CA10: variants seen among roughly 807,000 people sequenced by gnomAD.
The protein encoded by CA10 is carbonic anhydrase-related protein 10.
In CA10, 14 loss-of-function variants were observed where a neutral mutation model predicts 44.2. That is an observed-to-expected ratio of 0.32 (90% CI 0.21 to 0.50). The LOEUF (loss-of-function observed/expected upper bound fraction) is 0.50. Among genes scored for constraint, CA10 ranks in the 20% least tolerant of loss-of-function variants. The probability of loss-of-function intolerance (pLI) is 0.99; values close to 1 mark genes in which losing one functional copy is unlikely to be tolerated. For missense variants in CA10, 350 were observed against 409.7 expected, an observed-to-expected ratio of 0.85 and a Z score of 1.26; for synonymous variants, 159 against 141.6, an observed-to-expected ratio of 1.12 and a Z score of -0.87.
intron 1 of CA10, among the ~76,000 whole-genome samples, chr17:52,102,164 C>T (rs1483633992): frequency 2.0e-5 from 3 of 152,188 alleles, no homozygotes; most frequent in Non-Finnish European, 4.4e-5. Flanking sequence ...CCCTATAACA[C>T]TCTCTCAGCT....
chr17:52,063,544 T>C (rs2191408), intron 2 of CA10, among the ~76,000 whole-genome samples: 70,554 of 152,018 alleles, frequency 0.46, 17,894 homozygotes, highest in East Asian at 0.79. Flanking sequence ...GTACCACCTT[T>C]ATAGTAATGA....
At chr17:51,833,433 G>A (rs1908357262) in intron 3 of CA10, among the ~76,000 whole-genome samples, 1 of 152,186 alleles carries the variant, frequency 6.6e-6, no homozygotes, top group Non-Finnish European at 1.5e-5. Flanking sequence ...CTAGCCAGCT[G>A]ATTAAAATTC....
At chr17:52,055,779 A>G (rs955066133) in intron 2 of CA10, among the ~76,000 whole-genome samples, 3 of 152,078 alleles carry the variant, frequency 2.0e-5, no homozygotes, top group Admixed American at 1.3e-4. Context: ...TGAATATAAA[A>G]CTCTTTTAAA....
At chr17:52,072,497 A>T in intron 1 of CA10, 104 bp from the exon 2 acceptor site, 1 of 760,990 alleles carries the variant, frequency 1.3e-6, no homozygotes, top group Non-Finnish European at 2.2e-6. Context: ...ACCCTTTTCT[A>T]CCCCAAAGTC....
rs1984755252 is a variant in CA10 at position 51,984,351 on chromosome 17, C to A, written c.137-53219G>T. Among the ~76,000 whole-genome samples the A allele has an allele frequency of 2.0e-5, 3 of 151,904 alleles. No individual in the cohort carries two copies. The South Asian group carries it at 6.2e-4, about 32-fold the overall frequency. The stretch of plus-strand genomic sequence containing the variant: ...ACCTACCAAAACCTCTGGAATACAG[C>A]AAAGGCGGTACTAAGAGGAAAGTTC... On this transcript the variant is annotated intron_variant, in intron 2 of 8. Coordinates refer to ENST00000451037, the MANE Select transcript of CA10 (RefSeq NM_020178.5).
intron 3 of CA10, among the ~76,000 whole-genome samples, chr17:51,845,286 G>T (rs137856218): frequency 1.1e-4 from 16 of 152,330 alleles, no homozygotes; most frequent in African/African-American, 3.4e-4. Flanking sequence ...TAAAGGCACT[G>T]CGGCTTTCTC....
intron 3 of CA10, among the ~76,000 whole-genome samples, chr17:51,851,996 A>G (rs980096234): frequency 6.6e-6 from 1 of 152,194 alleles, no homozygotes; most frequent in Non-Finnish European, 1.5e-5. Context: ...AAGTCCACAC[A>G]TAATAAAGAC....
chr17:52,020,052 T>G (rs1567705419), intron 2 of CA10, among the ~76,000 whole-genome samples: 1 of 151,992 alleles, frequency 6.6e-6, no homozygotes, highest in Non-Finnish European at 1.5e-5. Flanking sequence ...TTTTGTCAAT[T>G]TTTGCTTTAC....
chr17:51,771,879 C>T (rs1905626971), intron 3 of CA10, among the ~76,000 whole-genome samples: 1 of 152,178 alleles, frequency 6.6e-6, no homozygotes, highest in African/African-American at 2.4e-5. Flanking sequence ...CACTCATTCT[C>T]CTATGGTTCC....
intron 2 of CA10, among the ~76,000 whole-genome samples, chr17:52,027,575 T>A (rs1986339592): frequency 6.6e-6 from 1 of 152,122 alleles, no homozygotes; most frequent in African/African-American, 2.4e-5. Flanking sequence ...AATTACATTT[T>A]AAAAATCTAT....
intron 1 of CA10, among the ~76,000 whole-genome samples, chr17:52,112,934 A>G (rs577413347): frequency 1.3e-5 from 2 of 152,290 alleles, no homozygotes; most frequent in African/African-American, 4.8e-5. Flanking sequence ...AAGGGAAGCC[A>G]TTTCTTTTCT....
intron 5 of CA10, among the ~76,000 whole-genome samples, chr17:51,649,877 G>GA (rs1342448178): frequency 2.0e-5 from 1 of 49,276 alleles, no homozygotes; most frequent in African/African-American, 5.3e-5. Flanking sequence ...ATAAGGAAAT[G>GA]GAAAAAAAAA....
chr17:51,734,934 T>A (rs1325810903), intron 4 of CA10, among the ~76,000 whole-genome samples: 1 of 152,166 alleles, frequency 6.6e-6, no homozygotes, highest in Non-Finnish European at 1.5e-5. Context: ...AGGAATGCTG[T>A]GTCATCCCAT....
chr17:51,878,143 C>CAAA (rs558014863), intron 3 of CA10, among the ~76,000 whole-genome samples: 915 of 63,686 alleles, frequency 0.014, 19 homozygotes, highest in South Asian at 0.039. Flanking sequence ...GACTCCGTCT[C>CAAA]AAAAAAAAAA....
chr17:51,633,122 C>T (rs1204702095), intron 8 of CA10, among the ~76,000 whole-genome samples: 1 of 148,686 alleles, frequency 6.7e-6, no homozygotes, highest in Non-Finnish European at 1.5e-5. Context: ...AAAAAGCTGT[C>T]TTGCCTGATC....
chr17:51,640,761 A>G (rs897408707), intron 6 of CA10, among the ~76,000 whole-genome samples: 2 of 152,242 alleles, frequency 1.3e-5, no homozygotes, highest in Non-Finnish European at 1.5e-5. Flanking sequence ...TAGGCCAGGA[A>G]CTAGCTTTTA....
At chr17:51,834,799 T>C (rs933092066) in intron 3 of CA10, among the ~76,000 whole-genome samples, 13 of 152,182 alleles carry the variant, frequency 8.5e-5, no homozygotes, top group African/African-American at 3.1e-4. Flanking sequence ...TTACTTTATA[T>C]GGTTGTCGAG....
chr17:52,145,239 A>G (rs1364556084), intron 1 of CA10, among the ~76,000 whole-genome samples: 1 of 152,114 alleles, frequency 6.6e-6, no homozygotes, highest in East Asian at 1.9e-4. Context: ...ATCTTCCTAT[A>G]TTTTCATCTT....
intron 3 of CA10, among the ~76,000 whole-genome samples, chr17:51,841,612 T>C (rs944343322): frequency 7.2e-5 from 11 of 152,220 alleles, no homozygotes; most frequent in African/African-American, 2.7e-4. Flanking sequence ...AAAGAAACCT[T>C]GGTTAGTCTT....
Sources: gnomAD v4.1 joint callset for allele counts (sites outside exome capture counted in the v4.1 genomes callset) on GRCh38, gnomAD v4.1.1 for gene constraint, MANE v1.5 for transcripts, NCBI Gene and HGNC (gene_info 2026-07-23, HGNC 2026-07-21) for gene names.